The following SNX29 variants were observed in gnomAD, a reference collection of about 807,000 sequenced individuals.
SNX29 encodes sorting nexin 29.
SNX29 carries 78 observed loss-of-function variants against 102.1 expected under a neutral mutation model. That is an observed-to-expected ratio of 0.76 (90% confidence interval 0.64 to 0.92). The LOEUF (loss-of-function observed/expected upper bound fraction) is 0.92. SNX29 is among the 40% of genes least tolerant of loss of function. The pLI is 0.00. For missense variants in SNX29, 1,280 were observed against 1,061.7 expected (o/e 1.21, Z -2.86); for synonymous variants, 580 against 414.5 (o/e 1.40, Z -4.85).
At chr16:12,528,443 G>A (rs1399353674) in intron 20 of SNX29, among the ~76,000 whole-genome samples, 8 of 151,906 alleles carry the variant, frequency 5.3e-5, no homozygotes, top group South Asian at 2.1e-4. Flanking sequence ...CAGGTGATCC[G>A]CGTACCTCGA....
At chr16:12,552,690 G>C (rs889206053) in intron 20 of SNX29, among the ~76,000 whole-genome samples, 1 of 152,192 alleles carries the variant, frequency 6.6e-6, no homozygotes, top group Non-Finnish European at 1.5e-5. Flanking sequence ...TACAAGGGTC[G>C]GGGGAAGATT....
chr16:12,196,324 T>G (rs1162316533), intron 13 of SNX29, among the ~76,000 whole-genome samples: 2 of 152,208 alleles, frequency 1.3e-5, no homozygotes, highest in Non-Finnish European at 2.9e-5. Context: ...TAACCTGTTT[T>G]GTAGGGTTAC....
At chr16:12,428,207 A>C (rs775427202) in intron 18 of SNX29, among the ~76,000 whole-genome samples, 3 of 152,216 alleles carry the variant, frequency 2.0e-5, no homozygotes, top group Non-Finnish European at 4.4e-5. Context: ...AAGTAATCAA[A>C]ACAGGGCTTT....
chr16:12,545,400 C>T (rs561406979), intron 20 of SNX29: 1 of 152,216 alleles, frequency 6.6e-6, no homozygotes, highest in Non-Finnish European at 1.5e-5. Flanking sequence ...TGTCCGCTTC[C>T]TAACCGGGTC....
intron 15 of SNX29, among the ~76,000 whole-genome samples, chr16:12,323,488 G>C (rs190758106): frequency 1.9e-4 from 28 of 150,586 alleles, no homozygotes; most frequent in Non-Finnish European, 2.7e-4. Flanking sequence ...TTAGTGTCTA[G>C]TCAGCCACTG....
At position 12,339,281 on chromosome 16, in the gene SNX29, G is replaced by A. The variant is rs143546437; in HGVS notation, c.1783-16882G>A. Among the ~76,000 whole-genome samples the A allele has an allele frequency of 8.3e-5, 12 of 144,008 alleles. No individual in the cohort carries two copies. In the East Asian group the frequency reaches 2.6e-3, roughly 31 times the overall value. 94.5% of individuals were successfully genotyped at this position (144,008 alleles called of 152,430 possible). ...AGCTACTTGTGTGGCTGAGGCAGAA[G>A]AATCTCTTGAACCTGGGAGGCAGAG... is the stretch of plus-strand genomic sequence containing the variant. On this transcript the variant is annotated intron_variant, in intron 15 of 20. Transcript: ENST00000566228.
At chr16:12,363,020 A>G (rs534120630) in intron 16 of SNX29, among the ~76,000 whole-genome samples, 29 of 151,980 alleles carry the variant, frequency 1.9e-4, no homozygotes, top group Non-Finnish European at 3.2e-4. Flanking sequence ...CCCAAGTCTG[A>G]TGCCCTGCAG....
intron 14 of SNX29, among the ~76,000 whole-genome samples, chr16:12,270,072 G>A (rs935465588): frequency 2.6e-5 from 4 of 152,050 alleles, no homozygotes; most frequent in African/African-American, 9.7e-5. Context: ...TGTTGGCCAG[G>A]CTGGTCTCAA....
intron 18 of SNX29, among the ~76,000 whole-genome samples, chr16:12,462,352 T>C (rs888767833): frequency 6.6e-6 from 1 of 152,122 alleles, no homozygotes. Flanking sequence ...TTCATCCAAT[T>C]GTATCTGGGG....
chr16:12,307,520 G>A (rs1431356744), intron 15 of SNX29, among the ~76,000 whole-genome samples: 1 of 152,222 alleles, frequency 6.6e-6, no homozygotes, highest in Non-Finnish European at 1.5e-5. Flanking sequence ...GTACAATTTT[G>A]TCCCCACTTT....
At chr16:12,372,730 G>A (rs1643631289) in intron 16 of SNX29, 1 of 152,176 alleles carries the variant, frequency 6.6e-6, no homozygotes, top group South Asian at 2.1e-4. Context: ...AGTTTTTAAG[G>A]ATGAGTTGAA....
intron 14 of SNX29, among the ~76,000 whole-genome samples, chr16:12,223,930 G>C (rs917895366): frequency 1.3e-5 from 2 of 152,176 alleles, no homozygotes; most frequent in Non-Finnish European, 2.9e-5. Flanking sequence ...GACATACGAA[G>C]AAACGTAGCC....
At chr16:12,370,324 C>T (rs2082637169) in intron 16 of SNX29, among the ~76,000 whole-genome samples, 1 of 151,828 alleles carries the variant, frequency 6.6e-6, no homozygotes. Flanking sequence ...ATTTGGGAGG[C>T]CAAGGCGAGC....
At chr16:12,174,051 G>A (rs1199973741) in intron 13 of SNX29, among the ~76,000 whole-genome samples, 5 of 152,176 alleles carry the variant, frequency 3.3e-5, no homozygotes, top group African/African-American at 1.2e-4. Flanking sequence ...CAAAGTGTTG[G>A]GATTACAGAC....
At chr16:12,176,176 C>T (rs888598393) in intron 13 of SNX29, among the ~76,000 whole-genome samples, 2 of 152,164 alleles carry the variant, frequency 1.3e-5, no homozygotes, top group African/African-American at 4.8e-5. Flanking sequence ...CTTCCAGCCT[C>T]CAGAACTGTG....
At chr16:12,049,675 G>T (rs1001781397) in intron 7 of SNX29, among the ~76,000 whole-genome samples, 1 of 152,060 alleles carries the variant, frequency 6.6e-6, no homozygotes, top group African/African-American at 2.4e-5. Context: ...TATAAAAAAA[G>T]AAAGTTGATT....
chr16:12,572,001 A>T lies in SNX29; in HGVS notation c.*3372A>T. 1 of 1,062,284 alleles carries T rather than the reference A, an allele frequency of 9.4e-7. No individual in the cohort carries two copies. Among genetic ancestry groups the T allele is most frequent in the Non-Finnish European group, 1.1e-6 (1 of 877,344 alleles). 65.8% of individuals were successfully genotyped at this position (1,062,284 alleles called of 1,614,324 possible). ...ATCTTCACATCCAGTCACCAGTTGC[A>T]TCTAGGGAGCTGCTGGCTATAAAAG... On this transcript the variant is annotated 3_prime_UTR_variant, in exon 21 of 21. Transcript: ENST00000566228.
rs570515320 is a variant in SNX29, at chr16:11,997,606, C to T, written c.8-1691C>T. On this transcript the variant is annotated intron_variant, in intron 1 of 20. Transcript: ENST00000566228. ...GATCCTTCCACTTCTGCCTCATGAA[C>T]AGCTGGGACCACAGGTGTGTGCCAC... 1.4e-4 allele frequency among the ~76,000 whole-genome samples: 22 copies of T among 151,938 alleles called. No individual in the cohort carries two copies. In the South Asian group the frequency reaches 4.6e-3, roughly 32 times the overall value.
chr16:12,475,491 G>A (rs140100411), intron 18 of SNX29, among the ~76,000 whole-genome samples: 190 of 152,280 alleles, frequency 1.2e-3, no homozygotes, highest in African/African-American at 4.5e-3. Context: ...GAAGCTCCTT[G>A]ACTTATGATG....
Sources: allele counts gnomAD v4.1 joint callset (sites outside exome capture counted in the v4.1 genomes callset), GRCh38; gene constraint gnomAD v4.1.1; transcripts MANE v1.5; gene names NCBI Gene and HGNC (gene_info 2026-07-23, HGNC 2026-07-21).